PTPRT: variants seen among roughly 807,000 people sequenced by gnomAD.
PTPRT encodes the protein receptor-type tyrosine-protein phosphatase T.
A neutral mutation model predicts 176.8 loss-of-function variants in PTPRT; 56 were observed. That is an observed-to-expected ratio of 0.32 (90% CI 0.26 to 0.40). The LOEUF is 0.40. Among genes scored for constraint, PTPRT ranks in the 10% least tolerant of loss-of-function variants. The pLI is 1.00. For synonymous variants in PTPRT, 783 were observed against 739.0 expected, an observed-to-expected ratio of 1.06 and a Z score of -0.96; for missense variants, 1,540 against 1,908.2, an observed-to-expected ratio of 0.81 and a Z score of 3.60.
chr20:42,476,560 T>C (rs6093652), intron 7 of PTPRT, among the ~76,000 whole-genome samples: 3,537 of 152,208 alleles, frequency 0.023, 121 homozygotes, highest in African/African-American at 0.081. Flanking sequence ...TACTGAAATC[T>C]TGGGAGATGA....
chr20:42,935,127 G>A (rs1190344533), intron 1 of PTPRT, among the ~76,000 whole-genome samples: 4 of 139,410 alleles, frequency 2.9e-5, no homozygotes, highest in Non-Finnish European at 4.6e-5. Context: ...TTGGAAGGGC[G>A]TCTCATTGCT....
At chr20:42,944,480 C>G (rs573874220) in intron 1 of PTPRT, among the ~76,000 whole-genome samples, 1 of 152,312 alleles carries the variant, frequency 6.6e-6, no homozygotes, top group African/African-American at 2.4e-5. Flanking sequence ...AGATGGCCCA[C>G]CAGGCCTACC....
rs1344557335 is a variant in PTPRT, at chr20:42,074,975, A to G, written c.*5904T>C. ...TCCATGATCCTGAAAAATGTGTCAG[A>G]AGAAACTGGAGCTAGAACAGCTCCC... On this transcript the variant is annotated 3_prime_UTR_variant, in exon 31 of 31. Transcript: ENST00000373187. 7.6e-6 allele frequency: 3 copies of G among 395,784 alleles called. No individual in the cohort carries two copies. Among genetic ancestry groups the G allele is most frequent in the East Asian group, 3.6e-5 (1 of 28,010 alleles). The allele number at this position is 395,784 out of a possible 1,614,324, so 24.5% of individuals were successfully genotyped here. A position where few individuals can be genotyped will look rare whatever the true frequency, so the allele number is the denominator to read the frequency against.
At chr20:42,816,799 T>C (rs2077794503) in intron 2 of PTPRT, among the ~76,000 whole-genome samples, 1 of 152,194 alleles carries the variant, frequency 6.6e-6, no homozygotes, top group African/African-American at 2.4e-5. Context: ...TGTAACTACC[T>C]AGCCTCAGGG....
chr20:43,150,791 C>T (rs907474656), intron 1 of PTPRT, among the ~76,000 whole-genome samples: 18 of 152,156 alleles, frequency 1.2e-4, no homozygotes, highest in Non-Finnish European at 2.5e-4. Flanking sequence ...AAGCTCACTC[C>T]GCACTGGGGA....
rs140235394 is a variant in PTPRT, at chr20:42,266,189, T to G, written c.2176+16300A>C. ...GGTGAGGCTCAGAAAGGCGAAAGGC[T>G]GAGTAATTGGCTCAAGGTCCCCAGT... On this transcript the variant is annotated intron_variant, in intron 13 of 30. Coordinates refer to ENST00000373187, the MANE Select transcript of PTPRT (RefSeq NM_007050.6). Among the ~76,000 whole-genome samples, 878 of 152,292 alleles carry G rather than the reference T, an allele frequency of 5.8e-3. 2 individuals are homozygous for G. The highest frequency in any genetic ancestry group is 9.8e-3 in the Non-Finnish European group (666 of 68,010).
intron 7 of PTPRT, among the ~76,000 whole-genome samples, chr20:42,566,451 G>A (rs766225586): frequency 3.9e-5 from 6 of 152,174 alleles, no homozygotes; most frequent in Non-Finnish European, 5.9e-5. Context: ...TTTAAGAGGA[G>A]CTTTAGGTTC....
In PTPRT at chr20:42,077,729, A is replaced by T. The variant is rs1982913563; in HGVS notation, c.*3150T>A. On this transcript the variant is annotated 3_prime_UTR_variant, in exon 31 of 31. Coordinates refer to ENST00000373187, the MANE Select transcript of PTPRT (RefSeq NM_007050.6). ...ACCTATTCACTGTCCTGCTTTAGAGAATGGTTGGGTTGTGGGAAAATAAGG... is the reference window on the plus strand; with the variant it reads ...ACCTATTCACTGTCCTGCTTTAGAGTATGGTTGGGTTGTGGGAAAATAAGG... The T allele has an allele frequency of 4.8e-6, 1 of 207,674 alleles. No individual in the cohort carries two copies. The highest frequency in any genetic ancestry group is 9.7e-6 in the Non-Finnish European group (1 of 102,618). The allele number at this position is 207,674 out of a possible 1,614,324, so 12.9% of individuals were successfully genotyped here.
the PTPRT span, among the ~76,000 whole-genome samples, chr20:42,048,245 G>T: frequency 6.6e-6 from 1 of 152,338 alleles, no homozygotes; most frequent in East Asian, 1.9e-4. Flanking sequence ...TGAGTATGGG[G>T]AAAGGTCCCA....
At chr20:42,849,487 T>G (rs369985918) in intron 2 of PTPRT, among the ~76,000 whole-genome samples, 1 of 152,174 alleles carries the variant, frequency 6.6e-6, no homozygotes, top group African/African-American at 2.4e-5. Context: ...CAGTGGTTTC[T>G]TTTTCCCAAG....
chr20:42,503,710 T>G (rs2071795714), intron 7 of PTPRT, among the ~76,000 whole-genome samples: 1 of 152,126 alleles, frequency 6.6e-6, no homozygotes, highest in Non-Finnish European at 1.5e-5. Context: ...TATAAATCTT[T>G]TCTTTATTTA....
intron 7 of PTPRT, among the ~76,000 whole-genome samples, chr20:42,546,683 C>T (rs2072680205): frequency 6.6e-6 from 1 of 152,094 alleles, no homozygotes; most frequent in Non-Finnish European, 1.5e-5. Flanking sequence ...ACCTGTGACT[C>T]TTCCTTTCAC....
At chr20:43,078,100 T>C (rs1056827672) in intron 1 of PTPRT, among the ~76,000 whole-genome samples, 1 of 152,230 alleles carries the variant, frequency 6.6e-6, no homozygotes, top group Admixed American at 6.5e-5. Context: ...CCATCTCGGT[T>C]ACAAGCTTCA....
intron 8 of PTPRT, among the ~76,000 whole-genome samples, chr20:42,467,904 G>A (rs565396918): frequency 2.9e-4 from 44 of 152,296 alleles, no homozygotes; most frequent in East Asian, 1.5e-3. Flanking sequence ...ATGTCTATCC[G>A]TGCCTAGCAC....
At chr20:42,896,476 A>T (rs1290896163) in intron 1 of PTPRT, among the ~76,000 whole-genome samples, 1 of 152,030 alleles carries the variant, frequency 6.6e-6, no homozygotes, top group Non-Finnish European at 1.5e-5. Context: ...TCTTCACTAA[A>T]AATACAAAAT....
intron 9 of PTPRT, among the ~76,000 whole-genome samples, chr20:42,373,702 C>T (rs148722986): frequency 1.4e-3 from 220 of 152,306 alleles, no homozygotes; most frequent in Non-Finnish European, 2.3e-3. Flanking sequence ...GCATGCAGAA[C>T]GGTGTGACAC....
chr20:42,913,283 G>C (rs903934073), intron 1 of PTPRT, among the ~76,000 whole-genome samples: 1 of 152,192 alleles, frequency 6.6e-6, no homozygotes, highest in African/African-American at 2.4e-5. Context: ...AAATCAATGT[G>C]TCAGCAGGAT....
In PTPRT at chr20:42,472,470, G is replaced by T. The variant is rs1293790183; in HGVS notation, c.1246C>A (p.Arg416Ser). The T allele has an allele frequency of 6.2e-7, 1 of 1,614,134 alleles. No homozygotes were observed. Among genetic ancestry groups the T allele is most frequent in the Non-Finnish European group, 8.5e-7 (1 of 1,180,054 alleles). ...ACGGTGAGGTTGTAGCTATGGCAGC[G>T]GGTCACCGCGTAGCCGAAGGGCTCC... ...QWEPFGYAVT[R>S]CHSYNLTVQY... Residue 416 changes from arginine to serine, a missense_variant, in exon 8 of 31, where the codon CGC becomes AGC. Around this residue, in one of 11 missense-constraint regions of PTPRT, gnomAD observed 79 missense variants for 80.0 expected, o/e 0.99. Transcript: ENST00000373187.
rs540609567 is a variant in PTPRT, at chr20:42,864,260, C to T, written c.214+21547G>A. Among the ~76,000 whole-genome samples, 190 of 152,302 alleles carry T rather than the reference C, an allele frequency of 1.2e-3. 1 individual carries two copies. Among genetic ancestry groups the T allele is most frequent in the Middle Eastern group, 3.4e-3 (1 of 294 alleles). On this transcript the variant is annotated intron_variant, in intron 2 of 30. Transcript: ENST00000373187. ...CTCAATATAAGGGGCCTCAGGTCTT[C>T]AAAGAAGGCCAGTAGGCGATGATGA...
Sources: gnomAD v4.1 joint callset for allele counts (sites outside exome capture counted in the v4.1 genomes callset) on GRCh38, gnomAD v4.1.1 for gene constraint, gnomAD v4.1.1 regional missense constraint, MANE v1.5 for transcripts, NCBI Gene and HGNC (gene_info 2026-07-23, HGNC 2026-07-21) for gene names.